The following MAGI3 variants were observed in gnomAD, a reference collection of about 807,000 sequenced individuals.
MAGI3 encodes membrane-associated guanylate kinase, WW and PDZ domain-containing protein 3.
In MAGI3, 43 loss-of-function variants were observed where a neutral mutation model predicts 121.8. The ratio of observed to expected loss-of-function variants is 0.35; its 90% CI spans 0.28 to 0.46. The LOEUF is 0.46. Ranked by LOEUF, MAGI3 falls within the 20% of genes least tolerant of loss-of-function variation. MAGI3 has a pLI of 1.00. For missense variants in MAGI3, 1,547 were observed against 1,797.3 expected (o/e 0.86, Z 2.52); for synonymous variants, 553 against 639.3 (o/e 0.86, Z 2.04).
At chr1:113,635,059 C>T (rs1185396602) in intron 9 of MAGI3, among the ~76,000 whole-genome samples, 1 of 152,108 alleles carries the variant, frequency 6.6e-6, no homozygotes, top group Non-Finnish European at 1.5e-5. Context: ...TATAAGAATG[C>T]TTGTGATTTT....
intron 3 of MAGI3, 95 bp downstream of exon 3, chr1:113,580,756 G>GA (rs1647970321): frequency 8.0e-7 from 1 of 1,250,822 alleles, no homozygotes; most frequent in Admixed American, 3.0e-5. Context: ...ACCACTTTTT[G>GA]AAAAACTTTT....
chr1:113,562,358 G>A (rs151275751), intron 2 of MAGI3, among the ~76,000 whole-genome samples: 7 of 152,224 alleles, frequency 4.6e-5, no homozygotes, highest in East Asian at 1.9e-4. Context: ...AGCTGAGATC[G>A]TGCCACTGCA....
intron 1 of MAGI3, among the ~76,000 whole-genome samples, chr1:113,394,933 A>G (rs1189778471): frequency 6.6e-6 from 1 of 152,112 alleles, no homozygotes. Context: ...GGGACATCCA[A>G]TTTGTAAGGG....
At chr1:113,556,950 A>G (rs1660016954) in intron 2 of MAGI3, among the ~76,000 whole-genome samples, 1 of 152,180 alleles carries the variant, frequency 6.6e-6, no homozygotes, top group African/African-American at 2.4e-5. Context: ...GACAAAAACT[A>G]CCAGTGCTCA....
chr1:113,554,816 T>TA (rs922631507), intron 2 of MAGI3, among the ~76,000 whole-genome samples: 2 of 151,816 alleles, frequency 1.3e-5, no homozygotes, highest in Non-Finnish European at 2.9e-5. Flanking sequence ...AATTAGATTA[T>TA]AAAAAACCAT....
chr1:113,435,429 A>G (rs1475871213), intron 1 of MAGI3, among the ~76,000 whole-genome samples: 3 of 152,120 alleles, frequency 2.0e-5, no homozygotes, highest in Non-Finnish European at 4.4e-5. Context: ...TTAATGTGCA[A>G]ATTTGGAAGT....
At chr1:113,671,949 A>G (rs576475822) in intron 17 of MAGI3, 113 bp downstream of exon 17, 2 of 950,044 alleles carry the variant, frequency 2.1e-6, no homozygotes, top group African/African-American at 1.6e-5. Context: ...TGCAGATGCC[A>G]GCTGTTGAGG....
chr1:113,410,813 G>T (rs1651935963), intron 1 of MAGI3, among the ~76,000 whole-genome samples: 1 of 152,012 alleles, frequency 6.6e-6, no homozygotes, highest in Non-Finnish European at 1.5e-5. Flanking sequence ...TAGTTACATG[G>T]CCCAGTGAGG....
chr1:113,541,669 A>G (rs1031606341), intron 1 of MAGI3, among the ~76,000 whole-genome samples: 13 of 152,220 alleles, frequency 8.5e-5, no homozygotes, highest in African/African-American at 3.1e-4. Context: ...AATAATGAGA[A>G]AGCATTTGAA....
chr1:113,652,792 A>T (rs1653245628), intron 14 of MAGI3, among the ~76,000 whole-genome samples: 2 of 152,224 alleles, frequency 1.3e-5, no homozygotes, highest in Non-Finnish European at 2.9e-5. Context: ...TTATGGCAAA[A>T]AATATGCCCT....
At chr1:113,455,578 T>A (rs1330842693) in intron 1 of MAGI3, among the ~76,000 whole-genome samples, 1 of 152,042 alleles carries the variant, frequency 6.6e-6, no homozygotes, top group East Asian at 1.9e-4. Context: ...CTAATACTGT[T>A]CTCTTTTGCA....
intron 1 of MAGI3, among the ~76,000 whole-genome samples, chr1:113,530,245 C>T (rs2101638823): frequency 6.6e-6 from 1 of 151,242 alleles, no homozygotes; most frequent in East Asian, 1.9e-4. Context: ...TTTTATTGTC[C>T]ATTGTTGAAA....
chr1:113,530,361 A>G (rs533668654), intron 1 of MAGI3, among the ~76,000 whole-genome samples: 36 of 152,168 alleles, frequency 2.4e-4, no homozygotes, highest in Non-Finnish European at 4.3e-4. Flanking sequence ...AGGAACAGAA[A>G]ACCGAATGTT....
intron 7 of MAGI3, among the ~76,000 whole-genome samples, chr1:113,619,171 A>G (rs1435188643): frequency 6.6e-6 from 1 of 152,236 alleles, no homozygotes; most frequent in East Asian, 1.9e-4. Flanking sequence ...TCATTTAATT[A>G]TGATATAATT....
intron 1 of MAGI3, among the ~76,000 whole-genome samples, chr1:113,421,336 C>A (rs1028340757): frequency 6.6e-6 from 1 of 152,106 alleles, no homozygotes; most frequent in Non-Finnish European, 1.5e-5. Context: ...AAGAGATAGT[C>A]CCATTTGAGG....
intron 9 of MAGI3, among the ~76,000 whole-genome samples, chr1:113,634,409 G>A (rs902750660): frequency 6.6e-6 from 1 of 152,156 alleles, no homozygotes; most frequent in African/African-American, 2.4e-5. Flanking sequence ...ATTAATTTTT[G>A]TATAAGGTGT....
At chr1:113,513,604 C>T (rs1411102108) in intron 1 of MAGI3, among the ~76,000 whole-genome samples, 6 of 151,986 alleles carry the variant, frequency 3.9e-5, no homozygotes, top group South Asian at 2.1e-4. Flanking sequence ...ATCCCTTCCT[C>T]ACACCTTATA....
At chr1:113,426,233 T>C (rs897143946) in intron 1 of MAGI3, among the ~76,000 whole-genome samples, 2 of 152,228 alleles carry the variant, frequency 1.3e-5, no homozygotes, top group African/African-American at 4.8e-5. Context: ...TCATTGACTT[T>C]TAGTTGGATT....
At chr1:113,447,869 G>T (rs973213847) in intron 1 of MAGI3, among the ~76,000 whole-genome samples, 1 of 151,060 alleles carries the variant, frequency 6.6e-6, no homozygotes, top group Admixed American at 6.6e-5. Flanking sequence ...AAAAAAAATT[G>T]TGCAACTATC....
Sources: allele counts gnomAD v4.1 joint callset (sites outside exome capture counted in the v4.1 genomes callset), GRCh38; gene constraint gnomAD v4.1.1; transcripts MANE v1.5; gene names NCBI Gene and HGNC (gene_info 2026-07-23, HGNC 2026-07-21).